The following INPP4B variants were observed in gnomAD, a reference collection of about 807,000 sequenced individuals.
The protein encoded by INPP4B is inositol polyphosphate-4-phosphatase type II B.
In INPP4B, 55 loss-of-function variants were observed where a neutral mutation model predicts 122.5. The ratio of observed to expected loss-of-function variants is 0.45; its 90% CI spans 0.36 to 0.56. The LOEUF (loss-of-function observed/expected upper bound fraction) is 0.56, where lower values mean the gene tolerates loss of function less well. Among genes scored for constraint, INPP4B ranks in the 20% least tolerant of loss-of-function variants. The probability of loss-of-function intolerance (pLI) is 0.00; values close to 1 mark genes in which losing one functional copy is unlikely to be tolerated. For synonymous variants in INPP4B, 403 were observed against 388.7 expected, an observed-to-expected ratio of 1.04 and a Z score of -0.43; for missense variants, 1,000 against 1,097.7, an observed-to-expected ratio of 0.91 and a Z score of 1.26.
rs113790675 is a variant in INPP4B, at chr4:142,804,366, C to A, written c.-254+41843G>T. Among the ~76,000 whole-genome samples, 202 of 152,266 alleles carry A rather than the reference C, an allele frequency of 1.3e-3. 1 individual carries two copies. Among genetic ancestry groups the A allele is most frequent in the African/African-American group, 4.8e-3 (200 of 41,554 alleles). ...CTTATTCTCTCTAGGTCATACTGTGCACTCTGCTGCTTCTCAAACAATTGA... is the reference window on the plus strand; with the variant it reads ...CTTATTCTCTCTAGGTCATACTGTGAACTCTGCTGCTTCTCAAACAATTGA... On this transcript the variant is annotated intron_variant, in intron 1 of 25. Transcript: ENST00000262992.
At chr4:142,254,981 G>A (rs908563246) in intron 11 of INPP4B, among the ~76,000 whole-genome samples, 7 of 152,128 alleles carry the variant, frequency 4.6e-5, no homozygotes, top group African/African-American at 1.4e-4. Flanking sequence ...TCAAAGGGAA[G>A]CCCATCAGAC....
At chr4:142,069,305 C>T (rs1036114447) in intron 25 of INPP4B, among the ~76,000 whole-genome samples, 5 of 152,162 alleles carry the variant, frequency 3.3e-5, no homozygotes, top group Admixed American at 3.3e-4. Context: ...ACACAACATA[C>T]CAGAATCTCT....
intron 2 of INPP4B, among the ~76,000 whole-genome samples, chr4:142,594,133 A>T (rs1383482593): frequency 6.6e-6 from 1 of 152,232 alleles, no homozygotes; most frequent in Non-Finnish European, 1.5e-5. Context: ...TAACAATTCC[A>T]TTTAACTCAA....
intron 11 of INPP4B, among the ~76,000 whole-genome samples, chr4:142,259,865 G>T (rs1228475715): frequency 1.3e-5 from 2 of 151,972 alleles, no homozygotes; most frequent in East Asian, 3.9e-4. Flanking sequence ...ATGGGGTCAG[G>T]ATCATCAAGA....
At chr4:142,524,280 A>G (rs555295426) in intron 2 of INPP4B, among the ~76,000 whole-genome samples, 11 of 152,222 alleles carry the variant, frequency 7.2e-5, no homozygotes, top group Admixed American at 6.5e-5. Flanking sequence ...CCAACAGTGT[A>G]AAAGTGTTCC....
intron 25 of INPP4B, among the ~76,000 whole-genome samples, chr4:142,038,152 A>G (rs1163240608): frequency 1.3e-5 from 2 of 152,160 alleles, no homozygotes; most frequent in Non-Finnish European, 2.9e-5. Flanking sequence ...TACATTTATA[A>G]TTAGAATATT....
chr4:142,351,776 A>G (rs927786786), intron 7 of INPP4B, among the ~76,000 whole-genome samples: 3 of 151,996 alleles, frequency 2.0e-5, no homozygotes, highest in African/African-American at 7.2e-5. Context: ...AGGCTCTTCA[A>G]TTTCAATAAT....
At chr4:142,724,036 T>A (rs1192461164) in intron 2 of INPP4B, among the ~76,000 whole-genome samples, 4 of 152,154 alleles carry the variant, frequency 2.6e-5, no homozygotes, top group Non-Finnish European at 5.9e-5. Context: ...GGGAGTTGTA[T>A]CATGCCAAAT....
chr4:142,843,811 C>T (rs1213601792), intron 1 of INPP4B, among the ~76,000 whole-genome samples: 2 of 151,926 alleles, frequency 1.3e-5, no homozygotes, highest in Non-Finnish European at 2.9e-5. Flanking sequence ...AGAGAATTGT[C>T]ATCTTGGGTT....
At chr4:142,768,513 A>T (rs1772509496) in intron 1 of INPP4B, among the ~76,000 whole-genome samples, 1 of 152,220 alleles carries the variant, frequency 6.6e-6, no homozygotes, top group Non-Finnish European at 1.5e-5. Context: ...AGGAATGGCC[A>T]TGGAGATGAC....
intron 1 of INPP4B, among the ~76,000 whole-genome samples, chr4:142,731,309 T>C (rs1766051715): frequency 6.6e-6 from 1 of 152,204 alleles, no homozygotes; most frequent in East Asian, 1.9e-4. Context: ...TTTGGAAATA[T>C]ATCTAAATGC....
chr4:142,600,454 A>G (rs546694342), intron 2 of INPP4B, among the ~76,000 whole-genome samples: 56 of 152,360 alleles, frequency 3.7e-4, no homozygotes, highest in African/African-American at 1.3e-3. Flanking sequence ...GACCTGACTT[A>G]CAAGAAATGC....
At chr4:142,072,394 G>T (rs961236057) in intron 25 of INPP4B, among the ~76,000 whole-genome samples, 1 of 151,624 alleles carries the variant, frequency 6.6e-6, no homozygotes, top group African/African-American at 2.4e-5. Flanking sequence ...TAAATGACGG[G>T]TGCAGCATAC....
chr4:142,134,035 T>C (rs960882064), intron 18 of INPP4B, among the ~76,000 whole-genome samples: 1 of 152,202 alleles, frequency 6.6e-6, no homozygotes, highest in African/African-American at 2.4e-5. Context: ...TATTGTCTCT[T>C]TGCTACTAGA....
chr4:142,044,732 A>G (rs1175870984), intron 25 of INPP4B, among the ~76,000 whole-genome samples: 1 of 152,152 alleles, frequency 6.6e-6, no homozygotes, highest in African/African-American at 2.4e-5. Flanking sequence ...ATCCAAGAAT[A>G]ATATGGAATA....
intron 19 of INPP4B, 143 bp downstream of exon 19, chr4:142,124,445 C>A (rs981140582): frequency 1.0e-5 from 7 of 681,152 alleles, no homozygotes; most frequent in Non-Finnish European, 1.7e-5. Flanking sequence ...TGATATTTAT[C>A]GTGAATAAGA....
intron 2 of INPP4B, among the ~76,000 whole-genome samples, chr4:142,545,757 A>ATATATATG (rs1186177293): frequency 1.2e-5 from 1 of 84,930 alleles, no homozygotes; most frequent in African/African-American, 3.5e-5. Context: ...ATATATACAC[A>ATATATATG]TGTATATGTG....
intron 5 of INPP4B, among the ~76,000 whole-genome samples, chr4:142,409,991 T>G (rs1267941057): frequency 6.6e-6 from 1 of 152,202 alleles, no homozygotes; most frequent in African/African-American, 2.4e-5. Flanking sequence ...ATACTGCTTT[T>G]TATAAAATAT....
chr4:142,318,311 G>A (rs375052278), intron 7 of INPP4B, among the ~76,000 whole-genome samples: 10 of 152,162 alleles, frequency 6.6e-5, no homozygotes, highest in Admixed American at 2.0e-4. Flanking sequence ...CATGAGACAG[G>A]GAGGAAGAGA....
Sources: gnomAD v4.1 joint callset for allele counts (sites outside exome capture counted in the v4.1 genomes callset) on GRCh38, gnomAD v4.1.1 for gene constraint, MANE v1.5 for transcripts, NCBI Gene and HGNC (gene_info 2026-07-23, HGNC 2026-07-21) for gene names.